Variants in CNBD2 observed in about 807,000 individuals in gnomAD.
The protein encoded by CNBD2 is cyclic nucleotide binding domain containing 2, also known as cyclic nucleotide-binding domain-containing protein 2.
CNBD2 carries 64 observed loss-of-function variants against 63.7 expected under a neutral mutation model. That is an observed-to-expected ratio of 1.00 (90% CI 0.82 to 1.24). CNBD2 has a LOEUF of 1.24. CNBD2 is among the 50% of genes most tolerant of loss of function. The pLI is 0.00. For missense variants in CNBD2, 691 were observed against 713.5 expected (o/e 0.97, Z 0.36); for synonymous variants, 229 against 255.4 (o/e 0.90, Z 0.99).
chr20:36,012,781 C>CA (rs1474526184), intron 10 of CNBD2, among the ~76,000 whole-genome samples: 1 of 137,546 alleles, frequency 7.3e-6, no homozygotes, highest in Non-Finnish European at 1.5e-5. Flanking sequence ...GAGATCGCGC[C>CA]ATTGCACTCC....
intron 10 of CNBD2, among the ~76,000 whole-genome samples, chr20:36,013,919 C>T (rs569789807): frequency 1.7e-4 from 26 of 152,128 alleles, no homozygotes; most frequent in South Asian, 8.3e-4. Context: ...TGGTGGCTCA[C>T]GCCTGTAATC....
intron 8 of CNBD2, among the ~76,000 whole-genome samples, chr20:35,999,645 C>T (rs577647955): frequency 2.0e-5 from 3 of 151,318 alleles, no homozygotes. Context: ...CCTTACCATA[C>T]ATGGTTATTA....
At chr20:36,019,585 G>A (rs1285264321) in intron 10 of CNBD2, among the ~76,000 whole-genome samples, 1 of 145,878 alleles carries the variant, frequency 6.9e-6, no homozygotes, top group Admixed American at 6.8e-5. Flanking sequence ...GCAGAAAAGT[G>A]TTCAAGACAG....
At chr20:35,969,343 T>C (rs1159385982) in intron 1 of CNBD2, among the ~76,000 whole-genome samples, 1 of 152,184 alleles carries the variant, frequency 6.6e-6, no homozygotes, top group East Asian at 1.9e-4. Context: ...ACTCAGTAAG[T>C]ATTAATTTTA....
At chr20:36,002,231 C>A (rs2056922569) in intron 8 of CNBD2, among the ~76,000 whole-genome samples, 1 of 152,226 alleles carries the variant, frequency 6.6e-6, no homozygotes, top group Non-Finnish European at 1.5e-5. Context: ...CCCGTCTCCA[C>A]CAAAAAAATA....
downstream of CNBD2, among the ~76,000 whole-genome samples, chr20:35,958,387 G>A (rs758026771): frequency 2.6e-5 from 4 of 152,134 alleles, no homozygotes; most frequent in Admixed American, 6.5e-5. Context: ...AGCTGAGATC[G>A]TGCCACTGCA....
chr20:36,006,553 A>G (rs964374220), intron 8 of CNBD2, among the ~76,000 whole-genome samples: 12 of 152,060 alleles, frequency 7.9e-5, no homozygotes, highest in Non-Finnish European at 1.6e-4. Flanking sequence ...AGTAGCTGGG[A>G]CTACAGTCAC....
intron 3 of CNBD2, among the ~76,000 whole-genome samples, chr20:35,977,965 A>G (rs2056543877): frequency 6.6e-6 from 1 of 152,320 alleles, no homozygotes; most frequent in Middle Eastern, 3.4e-3. Flanking sequence ...ACTAAGCCTC[A>G]GTATAGTCCA....
downstream of CNBD2, among the ~76,000 whole-genome samples, chr20:35,957,162 C>G (rs1213210305): frequency 6.6e-6 from 1 of 152,114 alleles, no homozygotes; most frequent in Non-Finnish European, 1.5e-5. Flanking sequence ...CTATTAGAAT[C>G]ATTGAATGTC....
intron 8 of CNBD2, among the ~76,000 whole-genome samples, chr20:36,001,393 A>C (rs1428889940): frequency 5.6e-5 from 7 of 124,324 alleles, no homozygotes; most frequent in African/African-American, 1.3e-4. Flanking sequence ...CCTCCCGGAC[A>C]GGGCGGCTGG....
chr20:35,999,218 T>G (rs1383817088), intron 8 of CNBD2, among the ~76,000 whole-genome samples: 1 of 152,306 alleles, frequency 6.6e-6, no homozygotes, highest in East Asian at 1.9e-4. Context: ...AAAAGTGAAT[T>G]TCTTAAAGGC....
At chr20:35,976,064 A>G (rs2056514120) in intron 3 of CNBD2, 62 bp downstream of exon 3, 3 of 1,449,332 alleles carry the variant, frequency 2.1e-6, no homozygotes, top group African/African-American at 1.4e-5. Flanking sequence ...CTTGGAAGAA[A>G]CCCTGGCTGG....
At position 35,988,833 on chromosome 20, in the gene CNBD2, CAA is replaced by C. The variant is rs137882941; in HGVS notation, c.855+1303_855+1304del. ...CTGCCAGCCTTGCATGTCATTTTTT[CAA>C]AAGTTTTCTAGTTTAATAGGTCGCA... On this transcript the variant is annotated intron_variant, in intron 7 of 11. Coordinates refer to ENST00000373973, the MANE Select transcript of CNBD2 (RefSeq NM_001365709.1). Among the ~76,000 whole-genome samples the C allele has an allele frequency of 9.4e-3, 1,429 of 152,180 alleles. 28 individuals are homozygous for C. The highest frequency in any genetic ancestry group is 0.033 in the African/African-American group (1,381 of 41,520).
chr20:36,011,099 G>A, intron 9 of CNBD2, 38 bp from the exon 10 acceptor site: 2 of 1,481,248 alleles, frequency 1.4e-6, no homozygotes, highest in East Asian at 2.5e-5. Flanking sequence ...AGCAGACTGT[G>A]TTACAGATGA....
chr20:35,981,456 A>G (rs1389041484), intron 4 of CNBD2, among the ~76,000 whole-genome samples: 1 of 151,838 alleles, frequency 6.6e-6, no homozygotes, highest in Non-Finnish European at 1.5e-5. Flanking sequence ...TTATTTTTTG[A>G]GATGGGTCTC....
intron 10 of CNBD2, among the ~76,000 whole-genome samples, chr20:36,015,990 A>G (rs1308865727): frequency 6.6e-6 from 1 of 152,250 alleles, no homozygotes; most frequent in Non-Finnish European, 1.5e-5. Flanking sequence ...AAACACAGCC[A>G]GATCATCAAG....
intron 8 of CNBD2, among the ~76,000 whole-genome samples, chr20:36,002,500 A>G (rs1378591868): frequency 6.6e-6 from 1 of 152,220 alleles, no homozygotes; most frequent in African/African-American, 2.4e-5. Context: ...CATGTTGGCC[A>G]GGCTGGTCTC....
chr20:35,965,265 C>T (rs2056337119), upstream of CNBD2, among the ~76,000 whole-genome samples: 1 of 151,206 alleles, frequency 6.6e-6, no homozygotes, highest in African/African-American at 2.4e-5. Context: ...GCAACCTGCG[C>T]CTCCCAGGCT....
chr20:36,022,587 A>G (rs2057230438), intron 10 of CNBD2, among the ~76,000 whole-genome samples: 1 of 151,810 alleles, frequency 6.6e-6, no homozygotes, highest in Non-Finnish European at 1.5e-5. Context: ...AGCCTGCCTC[A>G]GCCTCCCAAA....
Sources: allele counts gnomAD v4.1 joint callset (sites outside exome capture counted in the v4.1 genomes callset), GRCh38; gene constraint gnomAD v4.1.1; transcripts MANE v1.5; gene names NCBI Gene and HGNC (gene_info 2026-07-23, HGNC 2026-07-21).